Variants in GLI3 observed in about 807,000 individuals in gnomAD.
GLI3 encodes transcription activator GLI3.
Under a neutral mutation model 100.8 loss-of-function variants are expected in GLI3, and 20 were observed. That is an observed-to-expected ratio of 0.20 (90% confidence interval 0.14 to 0.29). GLI3 has a LOEUF of 0.29. Among genes scored for constraint, GLI3 ranks in the 10% least tolerant of loss-of-function variants. The pLI, the probability that GLI3 is intolerant of heterozygous loss-of-function variation, is 1.00. For missense variants in GLI3, 2,040 were observed against 2,128.5 expected (o/e 0.96, Z 0.82); for synonymous variants, 938 against 860.5 (o/e 1.09, Z -1.58).
chr7:42,047,988 T>TTTGG (rs1349209342), intron 5 of GLI3, among the ~76,000 whole-genome samples: 1 of 152,116 alleles, frequency 6.6e-6, no homozygotes, highest in African/African-American at 2.4e-5. Context: ...GCTCCCCAGG[T>TTTGG]GATTCATAGA....
intron 1 of GLI3, among the ~76,000 whole-genome samples, chr7:42,258,322 C>T (rs1184123796): frequency 1.3e-5 from 2 of 152,128 alleles, no homozygotes; most frequent in Admixed American, 1.3e-4. Context: ...TAGCTCTGGT[C>T]AATATACTGT....
intron 1 of GLI3, among the ~76,000 whole-genome samples, chr7:42,230,106 G>GA (rs1213334832): frequency 4.1e-5 from 5 of 122,528 alleles, no homozygotes; most frequent in Non-Finnish European, 8.6e-5. Flanking sequence ...GGCGGGGGGG[G>GA]GGGGGGTGGA....
intron 3 of GLI3, among the ~76,000 whole-genome samples, chr7:42,104,535 T>C (rs1383388910): frequency 6.6e-6 from 1 of 152,266 alleles, no homozygotes; most frequent in Non-Finnish European, 1.5e-5. Context: ...GATTACTATG[T>C]GTAATGGGTG....
chr7:42,135,175 G>A (rs1453366285), intron 3 of GLI3, among the ~76,000 whole-genome samples: 1 of 152,074 alleles, frequency 6.6e-6, no homozygotes, highest in African/African-American at 2.4e-5. Flanking sequence ...AATCTAGAAC[G>A]CTAAGGTCAT....
chr7:42,183,012 G>A (rs1787648420), intron 2 of GLI3, among the ~76,000 whole-genome samples: 1 of 152,030 alleles, frequency 6.6e-6, no homozygotes. Flanking sequence ...CTTGAGGCCA[G>A]GAGTTCAAGA....
At chr7:42,122,529 C>T (rs958540059) in intron 3 of GLI3, among the ~76,000 whole-genome samples, 4 of 152,114 alleles carry the variant, frequency 2.6e-5, no homozygotes, top group Admixed American at 2.6e-4. Flanking sequence ...ATGCTCGACC[C>T]TCATACAATC....
chr7:42,034,245 G>C (rs1480536690), intron 7 of GLI3, among the ~76,000 whole-genome samples: 1 of 152,206 alleles, frequency 6.6e-6, no homozygotes, highest in Non-Finnish European at 1.5e-5. Flanking sequence ...CTCATTTGAG[G>C]ATTTCTAAGA....
At chr7:42,248,055 C>T (rs1186824516) in intron 1 of GLI3, among the ~76,000 whole-genome samples, 1 of 152,130 alleles carries the variant, frequency 6.6e-6, no homozygotes, top group Non-Finnish European at 1.5e-5. Context: ...AGATGGAACA[C>T]TCTGGAAAAG....
At chr7:42,052,620 G>C (rs1562705016) in intron 4 of GLI3, among the ~76,000 whole-genome samples, 1 of 152,042 alleles carries the variant, frequency 6.6e-6, no homozygotes, top group Non-Finnish European at 1.5e-5. Flanking sequence ...TAAGTGCTGT[G>C]GTTGTTGATA....
intron 1 of GLI3, among the ~76,000 whole-genome samples, chr7:42,247,025 G>A (rs1221094771): frequency 6.6e-6 from 1 of 151,980 alleles, no homozygotes; most frequent in African/African-American, 2.4e-5. Context: ...CAGGCCTAAT[G>A]TCTGGCTTTT....
intron 12 of GLI3, among the ~76,000 whole-genome samples, chr7:41,976,375 G>A (rs1787514415): frequency 6.6e-6 from 1 of 152,200 alleles, no homozygotes; most frequent in African/African-American, 2.4e-5. Flanking sequence ...GTGAGTTTAT[G>A]AGTGAGTGTG....
At chr7:42,003,527 G>A (rs1383748902) in intron 10 of GLI3, among the ~76,000 whole-genome samples, 1 of 151,966 alleles carries the variant, frequency 6.6e-6, no homozygotes, top group African/African-American at 2.4e-5. Context: ...TAATGAAGGT[G>A]ATTTAATAAA....
intron 2 of GLI3, among the ~76,000 whole-genome samples, chr7:42,179,319 G>C (rs1787544827): frequency 6.6e-6 from 1 of 151,830 alleles, no homozygotes; most frequent in African/African-American, 2.4e-5. Context: ...GGGTATGTCT[G>C]TATTGGCAGC....
intron 3 of GLI3, among the ~76,000 whole-genome samples, chr7:42,136,791 C>T (rs561019475): frequency 1.3e-5 from 2 of 152,332 alleles, no homozygotes; most frequent in Admixed American, 1.3e-4. Context: ...CCTGATTCTA[C>T]ACCCTTGTAC....
At chr7:42,111,709 A>C (rs537502703) in intron 3 of GLI3, among the ~76,000 whole-genome samples, 3 of 152,300 alleles carry the variant, frequency 2.0e-5, no homozygotes, top group South Asian at 4.1e-4. Flanking sequence ...GAAGCTAAGC[A>C]CCTTTTCTAC....
At chr7:42,214,770 C>T (rs1788341072) in intron 2 of GLI3, among the ~76,000 whole-genome samples, 1 of 143,562 alleles carries the variant, frequency 7.0e-6, no homozygotes. Flanking sequence ...GTAACAAAAA[C>T]AATAACTAAA....
At chr7:42,054,458 A>G (rs1480376439) in intron 4 of GLI3, among the ~76,000 whole-genome samples, 1 of 152,182 alleles carries the variant, frequency 6.6e-6, no homozygotes, top group Non-Finnish European at 1.5e-5. Flanking sequence ...AAATGTACAC[A>G]TATCTCCTGC....
intron 9 of GLI3, 125 bp from the exon 10 acceptor site, chr7:42,023,733 G>A (rs1433466901): frequency 1.5e-5 from 12 of 780,518 alleles, no homozygotes; most frequent in Non-Finnish European, 2.2e-5. Flanking sequence ...GTGAAGTGAA[G>A]AAGTCAAACA....
At chr7:42,129,646 C>T (rs846383) in intron 3 of GLI3, among the ~76,000 whole-genome samples, 35,168 of 151,856 alleles carry the variant, frequency 0.23, 4,368 homozygotes, top group Admixed American at 0.35. Flanking sequence ...CCGTCTCTAC[C>T]AAAAATACAA....
Sources: allele counts gnomAD v4.1 joint callset (sites outside exome capture counted in the v4.1 genomes callset), GRCh38; gene constraint gnomAD v4.1.1; transcripts MANE v1.5; gene names NCBI Gene and HGNC (gene_info 2026-07-23, HGNC 2026-07-21).